RRP15: variants seen among roughly 807,000 people sequenced by gnomAD.
The protein encoded by RRP15 is RRP15-like protein.
RRP15 carries 18 observed loss-of-function variants against 27.1 expected under a neutral mutation model. That is an observed-to-expected ratio of 0.66 (90% CI 0.46 to 0.98). RRP15 has a LOEUF of 0.98. Ranked by LOEUF, RRP15 falls within the 50% of genes least tolerant of loss-of-function variation. The pLI is 0.00. For missense variants in RRP15, 359 were observed against 337.8 expected, an observed-to-expected ratio of 1.06 and a Z score of -0.49; for synonymous variants, 107 against 109.4, an observed-to-expected ratio of 0.98 and a Z score of 0.14.
chr1:218,287,438 C>A (rs1314430398), intron 1 of RRP15, among the ~76,000 whole-genome samples: 1 of 152,132 alleles, frequency 6.6e-6, no homozygotes, highest in Non-Finnish European at 1.5e-5. Context: ...AATATGGAAA[C>A]CTAATTTATC....
chr1:218,306,854 A>T (rs947363024), intron 3 of RRP15, among the ~76,000 whole-genome samples: 2 of 152,184 alleles, frequency 1.3e-5, no homozygotes, highest in Non-Finnish European at 1.5e-5. Context: ...TCTATTTTTC[A>T]TACTGAGTCT....
chr1:218,304,145 A>C lies in RRP15; in HGVS notation c.406-883A>C, dbSNP rs112423464. The stretch of plus-strand genomic sequence containing the variant: ...GCAAGAATTTGGTTTTACTGTGATT[A>C]GACACTTTCATTAATACAAAATGAG... On this transcript the variant is annotated intron_variant, in intron 2 of 4. Transcript: ENST00000366932. 4.1e-3 allele frequency among the ~76,000 whole-genome samples: 621 copies of C among 152,364 alleles called. 2 individuals carry two copies. Among genetic ancestry groups the C allele is most frequent in the Non-Finnish European group, 6.5e-3 (444 of 68,036 alleles).
At chr1:218,291,350 C>T (rs1655636893) in intron 1 of RRP15, among the ~76,000 whole-genome samples, 2 of 151,426 alleles carry the variant, frequency 1.3e-5, no homozygotes, top group South Asian at 4.2e-4. Flanking sequence ...GAGGCTAAGG[C>T]ATAAGAATCA....
intron 4 of RRP15, among the ~76,000 whole-genome samples, chr1:218,316,353 A>C (rs1402656352): frequency 1.3e-5 from 2 of 152,210 alleles, no homozygotes; most frequent in African/African-American, 2.4e-5. Context: ...GGCTTTAAAA[A>C]AAAATTATCC....
At chr1:218,291,858 G>A (rs61823379) in intron 1 of RRP15, among the ~76,000 whole-genome samples, 1 of 146,392 alleles carries the variant, frequency 6.8e-6, no homozygotes, top group South Asian at 2.2e-4. Context: ...TTTTTTTTAA[G>A]ACAAAGTCTT....
chr1:218,305,853 G>A (rs575130709), intron 3 of RRP15, among the ~76,000 whole-genome samples: 17 of 152,064 alleles, frequency 1.1e-4, no homozygotes, highest in Admixed American at 2.6e-4. Flanking sequence ...GGTGAATAAG[G>A]GCATGAGTGA....
chr1:218,298,502 C>T (rs1404216767), intron 1 of RRP15, among the ~76,000 whole-genome samples: 1 of 152,142 alleles, frequency 6.6e-6, no homozygotes, highest in African/African-American at 2.4e-5. Flanking sequence ...TGTGAGCCTT[C>T]TTAAAACTTT....
chr1:218,323,686 G>A (rs1201269141), intron 4 of RRP15, among the ~76,000 whole-genome samples: 2 of 152,308 alleles, frequency 1.3e-5, no homozygotes, highest in South Asian at 4.1e-4. Flanking sequence ...AGTGCCTGCA[G>A]GTCAATGCTG....
chr1:218,292,214 T>C (rs1021567665), intron 1 of RRP15, among the ~76,000 whole-genome samples: 6 of 152,160 alleles, frequency 3.9e-5, no homozygotes, highest in African/African-American at 1.2e-4. Flanking sequence ...TTAGAGGAAG[T>C]GGATAATAAT....
At chr1:218,305,238 A>G (rs1302241178) in intron 3 of RRP15, 113 bp downstream of exon 3, 8 of 736,412 alleles carry the variant, frequency 1.1e-5, no homozygotes, top group Admixed American at 7.7e-5. Flanking sequence ...CAAGTGATAT[A>G]TATCTAAGCC....
At chr1:218,289,753 G>T (rs895453908) in intron 1 of RRP15, among the ~76,000 whole-genome samples, 2 of 152,154 alleles carry the variant, frequency 1.3e-5, no homozygotes, top group African/African-American at 4.8e-5. Context: ...TATGATCTCA[G>T]GTCACCCCAA....
chr1:218,313,350 T>G (rs1003469952), intron 4 of RRP15, among the ~76,000 whole-genome samples: 1 of 152,040 alleles, frequency 6.6e-6, no homozygotes, highest in Non-Finnish European at 1.5e-5. Context: ...GGAGAGGCAA[T>G]TTTAAGGTAT....
At chr1:218,309,215 C>G (rs1179504791) in intron 4 of RRP15, among the ~76,000 whole-genome samples, 1 of 152,134 alleles carries the variant, frequency 6.6e-6, no homozygotes, top group Non-Finnish European at 1.5e-5. Context: ...TTCTAGAACA[C>G]CCTGCCCCAT....
At chr1:218,311,920 A>C (rs1656001174) in intron 4 of RRP15, among the ~76,000 whole-genome samples, 1 of 152,258 alleles carries the variant, frequency 6.6e-6, no homozygotes, top group African/African-American at 2.4e-5. Flanking sequence ...AAGACCAGTG[A>C]CAAGTGTTCT....
chr1:218,292,640 C>T (rs1389118417), intron 1 of RRP15, among the ~76,000 whole-genome samples: 1 of 152,186 alleles, frequency 6.6e-6, no homozygotes, highest in African/African-American at 2.4e-5. Flanking sequence ...TTAGTGAATT[C>T]TCAAATACAG....
intron 1 of RRP15, among the ~76,000 whole-genome samples, chr1:218,294,227 C>T (rs1377768860): frequency 3.3e-5 from 5 of 152,102 alleles, no homozygotes; most frequent in African/African-American, 1.2e-4. Context: ...TTCTCACACC[C>T]TAAGCAAGTA....
intron 1 of RRP15, 196 bp from the exon 2 acceptor site, chr1:218,302,098 C>G (rs980041189): frequency 1.9e-6 from 1 of 517,036 alleles, no homozygotes; most frequent in Non-Finnish European, 3.4e-6. Context: ...TGTGGCTGGG[C>G]GAGGTCTCTG....
chr1:218,308,102 T>C (rs545976551), intron 4 of RRP15, among the ~76,000 whole-genome samples: 2 of 143,000 alleles, frequency 1.4e-5, no homozygotes, highest in Non-Finnish European at 3.0e-5. Flanking sequence ...GATGGAGTCT[T>C]GCTCCCTGGC....
intron 4 of RRP15, among the ~76,000 whole-genome samples, chr1:218,328,894 A>G (rs747766591): frequency 6.6e-6 from 1 of 152,116 alleles, no homozygotes; most frequent in African/African-American, 2.4e-5. Flanking sequence ...CTTGCCTAAC[A>G]TAGAGGCTTC....
Sources: allele counts gnomAD v4.1 joint callset (sites outside exome capture counted in the v4.1 genomes callset), GRCh38; gene constraint gnomAD v4.1.1; transcripts MANE v1.5; gene names NCBI Gene and HGNC (gene_info 2026-07-23, HGNC 2026-07-21).